ANK3: variants seen among roughly 807,000 people sequenced by gnomAD.
ANK3 encodes the protein ankyrin 3.
A neutral mutation model predicts 370.9 loss-of-function variants in ANK3; 57 were observed. The ratio of observed to expected loss-of-function variants is 0.15; its 90% CI spans 0.12 to 0.19. The LOEUF is 0.19. Ranked by LOEUF, ANK3 falls within the 10% of genes least tolerant of loss-of-function variation. The pLI is 1.00. For missense variants in ANK3, 4,439 were observed against 5,302.1 expected (o/e 0.84, Z 5.06); for synonymous variants, 1,929 against 1,946.3 (o/e 0.99, Z 0.23).
chr10:60,498,463 A>G (rs913034445), intron 2 of ANK3, among the ~76,000 whole-genome samples: 1 of 152,088 alleles, frequency 6.6e-6, no homozygotes, highest in Non-Finnish European at 1.5e-5. Context: ...ATCACAGCTC[A>G]CTGCAGCCTT....
chr10:60,684,407 A>G (rs41283536), intron 1 of ANK3: 63,235 of 670,218 alleles, frequency 0.094, 3,697 homozygotes, highest in Non-Finnish European at 0.11. Flanking sequence ...GGAGGGAAGG[A>G]TGGTTAGTCA....
intron 33 of ANK3, 110 bp downstream of exon 33, chr10:60,083,382 A>G: frequency 8.4e-7 from 1 of 1,187,050 alleles, no homozygotes; most frequent in Non-Finnish European, 1.2e-6. Context: ...TTATGAGTTC[A>G]GATTTGACGG....
intron 23 of ANK3, chr10:60,145,866 G>A (rs2094792924): frequency 3.0e-6 from 2 of 673,570 alleles, no homozygotes; most frequent in Non-Finnish European, 5.4e-6. Flanking sequence ...ACAGAACCTG[G>A]CACATAGTAG....
chr10:60,561,028 T>G (rs914769475), intron 2 of ANK3, among the ~76,000 whole-genome samples: 6 of 152,184 alleles, frequency 3.9e-5, no homozygotes, highest in African/African-American at 1.4e-4. Flanking sequence ...AATTATCTAG[T>G]GGCAAAATCA....
intron 43 of ANK3, among the ~76,000 whole-genome samples, chr10:60,033,532 A>C (rs867035972): frequency 1.3e-5 from 2 of 149,402 alleles, no homozygotes; most frequent in East Asian, 3.9e-4. Context: ...AAAAAAAAAA[A>C]AAAAAAACTT....
intron 2 of ANK3, among the ~76,000 whole-genome samples, chr10:60,594,483 AT>A (rs1179454546): frequency 5.9e-5 from 9 of 152,184 alleles, no homozygotes; most frequent in Admixed American, 5.9e-4. Context: ...TTCCAGTCTT[AT>A]TCTTTCAAAA....
In ANK3 at chr10:60,434,287, T is replaced by G. The variant is rs188014842; in HGVS notation, c.97-154648A>C. On this transcript the variant is annotated intron_variant, in intron 2 of 43. Transcript: ENST00000373827. Reference sequence around the variant, plus strand: ...TGATTTTCAAAAATTTATTTTCATATTAATGGCCCTATAGCATAGCCCATG... The same window carrying G: ...TGATTTTCAAAAATTTATTTTCATAGTAATGGCCCTATAGCATAGCCCATG... Among the ~76,000 whole-genome samples the G allele has an allele frequency of 3.3e-5, 5 of 152,318 alleles. No individual in the cohort carries two copies. The East Asian group carries it at 9.6e-4, about 29-fold the overall frequency.
Position 60,070,987 on chromosome 10 carries a change from A to C in ANK3, c.9894T>G (p.Pro3298=). The change falls in exon 37 of 44, where the codon CCT becomes CCG. Residue 3298 remains proline, a synonymous_variant. Transcript: ENST00000280772. The surrounding 1 kb of genome is among the most constrained non-coding windows in gnomAD (Gnocchi z 5.7). ...DEHDKYQLAE[P]VIRVQPPSPV... is the part of the protein sequence containing the mutation. ...GTGAAGGTGGCTGCACTCTAATGAC[A>C]GGTTCAGCCAGCTGGTACTTGTCAT... 1 of 1,614,126 alleles carries C rather than the reference A, an allele frequency of 6.2e-7. No individual in the cohort carries two copies. Among genetic ancestry groups the C allele is most frequent in the Non-Finnish European group, 8.5e-7 (1 of 1,180,006 alleles).
chr10:60,592,332 G>A (rs1043430775), intron 2 of ANK3, among the ~76,000 whole-genome samples: 3 of 152,186 alleles, frequency 2.0e-5, no homozygotes, highest in African/African-American at 4.8e-5. Flanking sequence ...ATTATAGAAT[G>A]TATAGGACAA....
chr10:60,656,934 G>T (rs28888413), intron 1 of ANK3, among the ~76,000 whole-genome samples: 7,322 of 152,002 alleles, frequency 0.048, 243 homozygotes, highest in African/African-American at 0.093. Flanking sequence ...ATTGTTGTTG[G>T]TGGTTTTTTG....
At chr10:60,704,881 G>C (rs577026942) in intron 1 of ANK3, among the ~76,000 whole-genome samples, 3 of 152,242 alleles carry the variant, frequency 2.0e-5, no homozygotes, top group African/African-American at 7.2e-5. Context: ...TTTAAAGTTA[G>C]AACTAGATCA....
chr10:60,066,547 G>GCGCA (rs2081666534), intron 38 of ANK3, among the ~76,000 whole-genome samples: 1 of 150,942 alleles, frequency 6.6e-6, no homozygotes, highest in Admixed American at 6.6e-5. Context: ...GTATACCTGA[G>GCGCA]AGCAGAGACT....
chr10:60,165,056 T>C (rs1421805992), intron 23 of ANK3, among the ~76,000 whole-genome samples: 1 of 152,196 alleles, frequency 6.6e-6, no homozygotes, highest in Non-Finnish European at 1.5e-5. Context: ...TATTTGGTTA[T>C]CCATATGTAT....
chr10:60,044,216 G>A, intron 42 of ANK3: 1 of 983,936 alleles, frequency 1.0e-6, no homozygotes, highest in Non-Finnish European at 1.2e-6. Context: ...AGTTTTTAAT[G>A]CAGAAAATCT....
chr10:60,137,557 T>A (rs1565247512), intron 24 of ANK3, among the ~76,000 whole-genome samples: 1 of 151,966 alleles, frequency 6.6e-6, no homozygotes, highest in Non-Finnish European at 1.5e-5. Context: ...TATAGATTTT[T>A]AAAAAATATT....
At chr10:60,675,769 G>A (rs1031523194) in intron 1 of ANK3, among the ~76,000 whole-genome samples, 1 of 152,092 alleles carries the variant, frequency 6.6e-6, no homozygotes, top group East Asian at 1.9e-4. Flanking sequence ...CTCAAAAGAG[G>A]CAGTATCACA....
intron 2 of ANK3, among the ~76,000 whole-genome samples, chr10:60,493,433 A>C (rs1187385521): frequency 6.6e-6 from 1 of 152,118 alleles, no homozygotes; most frequent in African/African-American, 2.4e-5. Context: ...AAGAATGAGC[A>C]CAAGAGAAGG....
intron 25 of ANK3, among the ~76,000 whole-genome samples, chr10:60,124,656 A>C (rs2093666102): frequency 6.6e-6 from 1 of 152,212 alleles, no homozygotes. Flanking sequence ...TTGTCTACGC[A>C]TCGATTCTTC....
chr10:60,614,881 C>A (rs2078247111), intron 2 of ANK3, among the ~76,000 whole-genome samples: 1 of 152,052 alleles, frequency 6.6e-6, no homozygotes, highest in Non-Finnish European at 1.5e-5. Flanking sequence ...TTACTCTGTA[C>A]CTGCCATTAA....
Sources: gnomAD v4.1 joint callset for allele counts (sites outside exome capture counted in the v4.1 genomes callset) on GRCh38, gnomAD v4.1.1 for gene constraint, Gnocchi (gnomAD v3.1) non-coding constraint, MANE v1.5 for transcripts, NCBI Gene and HGNC (gene_info 2026-07-23, HGNC 2026-07-21) for gene names.